Variants in FAIM observed in about 807,000 individuals in gnomAD.
FAIM encodes the protein Fas apoptotic inhibitory molecule, also known as fas apoptotic inhibitory molecule 1.
In FAIM, 14 loss-of-function variants were observed where a neutral mutation model predicts 21.2. That is an observed-to-expected ratio of 0.66 (90% CI 0.44 to 1.03). The LOEUF (loss-of-function observed/expected upper bound fraction) is 1.03. Among genes scored for constraint, FAIM ranks in the 50% least tolerant of loss-of-function variants. The pLI, the probability that FAIM is intolerant of heterozygous loss-of-function variation, is 0.00. For synonymous variants in FAIM, 86 were observed against 80.4 expected (o/e 1.07, Z -0.37); for missense variants, 222 against 247.1 (o/e 0.90, Z 0.68).
rs373284635 is a variant in FAIM, at chr3:138,624,660, G to A, written c.406+2244G>A. ...CAAACTTTGGACTATGCTGACTACA[G>A]CCTACATTTTACAGATTAGTTATGA... On this transcript the variant is annotated intron_variant, in intron 4 of 5. Transcript: ENST00000360570. Among the ~76,000 whole-genome samples, 16 of 152,312 alleles carry A rather than the reference G, an allele frequency of 1.1e-4. No individual in the cohort carries two copies. In the East Asian group the frequency reaches 2.5e-3, roughly 24 times the overall value.
intron 1 of FAIM, chr3:138,609,247 C>G (rs2042724264): frequency 6.7e-6 from 1 of 150,212 alleles, no homozygotes. Context: ...TGCGGCGGGG[C>G]GCGGGGCGCG....
chr3:138,629,436 A>C, intron 5 of FAIM: 3 of 175,866 alleles, frequency 1.7e-5, no homozygotes, highest in Non-Finnish European at 2.0e-5. Flanking sequence ...AAATACCTAA[A>C]AAGAGCCCCT....
intron 5 of FAIM, 61 bp downstream of exon 5, chr3:138,629,217 T>C: frequency 7.5e-7 from 1 of 1,326,752 alleles, no homozygotes; most frequent in Non-Finnish European, 1.1e-6. Context: ...GAATTGTTGC[T>C]GCATTTCCTA....
intron 4 of FAIM, among the ~76,000 whole-genome samples, chr3:138,626,956 A>G (rs2042945656): frequency 6.6e-6 from 1 of 151,862 alleles, no homozygotes; most frequent in African/African-American, 2.4e-5. Flanking sequence ...TCTTAGTTTT[A>G]AGTTTCTTTT....
intron 1 of FAIM, among the ~76,000 whole-genome samples, chr3:138,617,827 A>G (rs2042843725): frequency 6.8e-6 from 1 of 146,480 alleles, no homozygotes; most frequent in Middle Eastern, 3.6e-3. Flanking sequence ...CTATTTATAT[A>G]TAGTATATAT....
At chr3:138,615,447 A>C (rs993464112) in intron 1 of FAIM, among the ~76,000 whole-genome samples, 1 of 152,226 alleles carries the variant, frequency 6.6e-6, no homozygotes, top group African/African-American at 2.4e-5. Context: ...GTTACGAAGA[A>C]GTAAGTTGAC....
At chr3:138,610,824 C>T in intron 1 of FAIM, 1 of 701,926 alleles carries the variant, frequency 1.4e-6, no homozygotes, top group South Asian at 1.7e-5. Context: ...CTCAAGTGAT[C>T]CGACCGCCTT....
intron 1 of FAIM, among the ~76,000 whole-genome samples, chr3:138,609,539 T>TCTCTCTCTC (rs2042730662): frequency 9.7e-5 from 1 of 10,298 alleles, no homozygotes; most frequent in African/African-American, 3.9e-4. Context: ...TGAAACTCTC[T>TCTCTCTCTC]CTCTCTCTCT....
At chr3:138,622,039 C>T in intron 3 of FAIM, 149 bp from the exon 4 acceptor site, 1 of 652,140 alleles carries the variant, frequency 1.5e-6, no homozygotes, top group South Asian at 2.1e-5. Flanking sequence ...CTCAGCCTCC[C>T]AAAGCGCTGG....
At chr3:138,624,679 G>C (rs2042922466) in intron 4 of FAIM, among the ~76,000 whole-genome samples, 1 of 152,198 alleles carries the variant, frequency 6.6e-6, no homozygotes, top group African/African-American at 2.4e-5. Context: ...TTACAGATTA[G>C]TTATGAAGAA....
rs570811521 is a variant in FAIM at position 138,631,953 on chromosome 3, G to A, written c.457-977G>A. ...CTTCTTTGGCTTGGTTTGTTAACTG[G>A]GGGGCCTTGTTCTATCTACTTTGGC... On this transcript the variant is annotated intron_variant, in intron 5 of 5. Coordinates refer to ENST00000360570, the MANE Select transcript of FAIM (RefSeq NM_001033031.2). Among the ~76,000 whole-genome samples, 3 of 152,072 alleles carry A rather than the reference G, an allele frequency of 2.0e-5. No homozygotes were observed. The East Asian group carries it at 5.8e-4, about 29-fold the overall frequency.
At position 138,633,073 on chromosome 3, in the gene FAIM, A is replaced by C; in HGVS notation, c.600A>C (p.Ala200=). 3.7e-6 allele frequency: 6 copies of C among 1,611,938 alleles called. No homozygotes were observed. The highest frequency in any genetic ancestry group is 5.1e-6 in the Non-Finnish European group (6 of 1,179,252). Residue 200 remains alanine, a synonymous_variant, in exon 6 of 6, where the codon GCA becomes GCC. Transcript: ENST00000360570. ...IVDNREIPEI[A]S ...ATAATAGAGAAATCCCAGAGATTGC[A>C]AGTTAATGAATTTTCATCTTAAGAA... is the stretch of plus-strand genomic sequence containing the variant.
chr3:138,626,436 TAC>T (rs2042939532), intron 4 of FAIM, among the ~76,000 whole-genome samples: 1 of 152,216 alleles, frequency 6.6e-6, no homozygotes, highest in Non-Finnish European at 1.5e-5. Context: ...TTCAAGCGAG[TAC>T]ACATATTCTC....
intron 1 of FAIM, chr3:138,610,858 CG>C (rs2042760127): frequency 1.1e-6 from 1 of 945,426 alleles, no homozygotes; most frequent in Non-Finnish European, 1.7e-6. Context: ...GCTGGGATTA[CG>C]GGGTGTGAGC....
Position 138,622,290 on chromosome 3 carries a change from G to T in FAIM, c.280G>T (p.Gly94Cys), listed in dbSNP as rs776503777. Reference sequence around the variant, plus strand: ...GACCATAAATATAGACGCTATCAGTGGTTTTGCTTATGAATATACTCTGGA... The same window carrying T: ...GACCATAAATATAGACGCTATCAGTTGTTTTGCTTATGAATATACTCTGGA... The part of the protein sequence containing the change: ...KATINIDAIS[G>C]FAYEYTLEIN... Residue 94 changes from glycine (G) to cysteine (C), a missense_variant, in exon 4 of 6, where the codon GGT (glycine) becomes TGT (cysteine). Physicochemically the swap from Gly to Cys is radical, Grantham distance 159 (BLOSUM62 -3). Coordinates refer to ENST00000360570, the MANE Select transcript of FAIM (RefSeq NM_001033031.2). The T allele has an allele frequency of 1.2e-6, 2 of 1,613,786 alleles. No homozygotes were observed. The highest frequency in any genetic ancestry group is 1.7e-6 in the Non-Finnish European group (2 of 1,179,968).
chr3:138,617,774 TATATATA>T (rs1045828539), intron 1 of FAIM, among the ~76,000 whole-genome samples: 5 of 145,448 alleles, frequency 3.4e-5, no homozygotes, highest in South Asian at 2.1e-4. Context: ...TAGTATCTAC[TATATATA>T]ATATATAATA....
intron 2 of FAIM, among the ~76,000 whole-genome samples, chr3:138,620,988 T>TAAGTATGGGA (rs1358948582): frequency 5.3e-5 from 8 of 152,186 alleles, no homozygotes; most frequent in African/African-American, 1.9e-4. Flanking sequence ...GGAGAGTTCT[T>TAAGTATGGGA]GTTTTAGAGT....
chr3:138,611,485 A>T (rs540699187), intron 1 of FAIM, among the ~76,000 whole-genome samples: 9 of 152,288 alleles, frequency 5.9e-5, no homozygotes, highest in Non-Finnish European at 1.3e-4. Flanking sequence ...GTCACTATCT[A>T]TTTGCCAAAC....
At chr3:138,613,876 A>C (rs911858488) in intron 1 of FAIM, among the ~76,000 whole-genome samples, 1 of 152,140 alleles carries the variant, frequency 6.6e-6, no homozygotes, top group Non-Finnish European at 1.5e-5. Context: ...TGCCAAATCC[A>C]AGATCATGAG....
Sources: allele counts gnomAD v4.1 joint callset (sites outside exome capture counted in the v4.1 genomes callset), GRCh38; gene constraint gnomAD v4.1.1; transcripts MANE v1.5; gene names NCBI Gene and HGNC (gene_info 2026-07-23, HGNC 2026-07-21).